The following CHSY3 variants were observed in gnomAD, a reference collection of about 807,000 sequenced individuals.
CHSY3 encodes N-acetylgalactosaminyl-proteoglycan 3-beta-glucuronosyltransferase 3.
Under a neutral mutation model 67.2 loss-of-function variants are expected in CHSY3, and 35 were observed. The ratio of observed to expected loss-of-function variants is 0.52; its 90% CI spans 0.40 to 0.69. The LOEUF (loss-of-function observed/expected upper bound fraction) is 0.69. Among genes scored for constraint, CHSY3 ranks in the 30% least tolerant of loss-of-function variants. CHSY3 has a pLI of 0.00. For missense variants in CHSY3, 1,069 were observed against 1,138.5 expected, an observed-to-expected ratio of 0.94 and a Z score of 0.88; for synonymous variants, 474 against 434.7, an observed-to-expected ratio of 1.09 and a Z score of -1.12.
chr5:130,040,723 T>C (rs1003058241), intron 2 of CHSY3, among the ~76,000 whole-genome samples: 4 of 152,146 alleles, frequency 2.6e-5, no homozygotes, highest in African/African-American at 9.7e-5. Flanking sequence ...CTGATTCTTA[T>C]GTCAAACACC....
chr5:130,161,497 A>T (rs1472645567), intron 2 of CHSY3, among the ~76,000 whole-genome samples: 1 of 152,182 alleles, frequency 6.6e-6, no homozygotes, highest in East Asian at 1.9e-4. Flanking sequence ...TACTTTCTGG[A>T]ATTGCATTCT....
At chr5:130,006,236 G>A (rs560952554) in intron 2 of CHSY3, among the ~76,000 whole-genome samples, 37 of 152,244 alleles carry the variant, frequency 2.4e-4, no homozygotes, top group South Asian at 4.1e-4. Context: ...AAGTTGTGGC[G>A]TTAGGAATTT....
At chr5:129,977,738 A>G (rs1762854815) in intron 2 of CHSY3, among the ~76,000 whole-genome samples, 1 of 152,140 alleles carries the variant, frequency 6.6e-6, no homozygotes, top group Non-Finnish European at 1.5e-5. Context: ...CATGGTCAAA[A>G]TAGTAGTGGT....
chr5:130,020,442 TATATATATA>T (rs1764340842), intron 2 of CHSY3, among the ~76,000 whole-genome samples: 5 of 54,726 alleles, frequency 9.1e-5, no homozygotes, highest in Non-Finnish European at 9.5e-5. Context: ...TATATATATA[TATATATATA>T]TATATATATA....
chr5:130,110,569 C>A (rs1393944717), intron 2 of CHSY3, among the ~76,000 whole-genome samples: 6 of 151,954 alleles, frequency 3.9e-5, no homozygotes, highest in African/African-American at 1.4e-4. Flanking sequence ...AAGCCCAGAC[C>A]TCATAAGATC....
At chr5:129,914,212 G>A (rs1416867308) in intron 2 of CHSY3, among the ~76,000 whole-genome samples, 1 of 152,082 alleles carries the variant, frequency 6.6e-6, no homozygotes, top group Non-Finnish European at 1.5e-5. Context: ...CCAGGTTCAA[G>A]TGATTCTCCT....
At chr5:129,972,671 C>T (rs558404613) in intron 2 of CHSY3, among the ~76,000 whole-genome samples, 1 of 151,758 alleles carries the variant, frequency 6.6e-6, no homozygotes, top group East Asian at 1.9e-4. Flanking sequence ...TGCTCTGCAA[C>T]TGAACCCTTA....
chr5:130,012,146 A>G (rs574486730), intron 2 of CHSY3, among the ~76,000 whole-genome samples: 3 of 152,324 alleles, frequency 2.0e-5, no homozygotes, highest in Non-Finnish European at 2.9e-5. Context: ...AATCAAAGCA[A>G]TCATAAGCAA....
intron 2 of CHSY3, among the ~76,000 whole-genome samples, chr5:130,148,470 C>T (rs143738093): frequency 1.3e-3 from 192 of 152,290 alleles, no homozygotes; most frequent in African/African-American, 4.2e-3. Context: ...TGAATCACCA[C>T]ACTGTTTTCC....
At chr5:130,037,596 C>T (rs1764895559) in intron 2 of CHSY3, among the ~76,000 whole-genome samples, 1 of 152,046 alleles carries the variant, frequency 6.6e-6, no homozygotes, top group African/African-American at 2.4e-5. Flanking sequence ...TAAATAAAGT[C>T]TTAATCATGC....
chr5:130,000,137 A>G (rs1763676926), intron 2 of CHSY3, among the ~76,000 whole-genome samples: 1 of 152,254 alleles, frequency 6.6e-6, no homozygotes, highest in African/African-American at 2.4e-5. Flanking sequence ...GACAGTTTTC[A>G]AAGATAATGA....
chr5:130,079,845 G>A (rs987760421), intron 2 of CHSY3, among the ~76,000 whole-genome samples: 2 of 152,072 alleles, frequency 1.3e-5, no homozygotes, highest in Admixed American at 1.3e-4. Context: ...AAACAAGGAA[G>A]TTTGTGAATA....
At chr5:129,968,066 TTAAAA>T (rs1762517587) in intron 2 of CHSY3, among the ~76,000 whole-genome samples, 4 of 151,912 alleles carry the variant, frequency 2.6e-5, no homozygotes, top group Admixed American at 2.0e-4. Flanking sequence ...AGTTTTCAAG[TTAAAA>T]TAAAGATACA....
chr5:129,977,961 A>T (rs552734672), intron 2 of CHSY3, among the ~76,000 whole-genome samples: 2 of 152,134 alleles, frequency 1.3e-5, no homozygotes, highest in East Asian at 1.9e-4. Flanking sequence ...AACAAAGCAG[A>T]ACTGAAAGAA....
chr5:130,001,856 C>A, intron 2 of CHSY3: 1 of 906,788 alleles, frequency 1.1e-6, no homozygotes, highest in Non-Finnish European at 1.3e-6. Flanking sequence ...ATTTAACCCA[C>A]TAATATAATC....
At chr5:129,930,346 A>G (rs1761258980) in intron 2 of CHSY3, among the ~76,000 whole-genome samples, 1 of 151,942 alleles carries the variant, frequency 6.6e-6, no homozygotes, top group Non-Finnish European at 1.5e-5. Flanking sequence ...AAAAAAAAAA[A>G]AAAGCTATCC....
intron 2 of CHSY3, among the ~76,000 whole-genome samples, chr5:130,044,798 T>A (rs1286989376): frequency 6.6e-6 from 1 of 151,968 alleles, no homozygotes; most frequent in Non-Finnish European, 1.5e-5. Context: ...GGCGACAAAG[T>A]CAAGGAATCA....
At chr5:130,157,045 C>A (rs1036473208) in intron 2 of CHSY3, among the ~76,000 whole-genome samples, 2 of 152,156 alleles carry the variant, frequency 1.3e-5, no homozygotes, top group Non-Finnish European at 2.9e-5. Context: ...TTACGAACTA[C>A]TTACTTGTGG....
chr5:130,130,340 T>C (rs1283448150), intron 2 of CHSY3, among the ~76,000 whole-genome samples: 1 of 152,182 alleles, frequency 6.6e-6, no homozygotes, highest in Non-Finnish European at 1.5e-5. Context: ...TCTTGCCATG[T>C]AATCATTTTG....
Sources: allele counts gnomAD v4.1 joint callset (sites outside exome capture counted in the v4.1 genomes callset), GRCh38; gene constraint gnomAD v4.1.1; transcripts MANE v1.5; gene names NCBI Gene and HGNC (gene_info 2026-07-23, HGNC 2026-07-21).